The following ETV5 variants were observed in gnomAD, a reference collection of about 807,000 sequenced individuals.
ETV5 encodes the protein ETS translocation variant 5.
In ETV5, 10 loss-of-function variants were observed where a neutral mutation model predicts 70.0. The observed-to-expected ratio is 0.14, with a 90% confidence interval of 0.09 to 0.24. The LOEUF is 0.24. Among genes scored for constraint, ETV5 ranks in the 10% least tolerant of loss-of-function variants. ETV5 has a pLI of 1.00. For missense variants in ETV5, 453 were observed against 651.2 expected (o/e 0.70, Z 3.31); for synonymous variants, 216 against 242.2 (o/e 0.89, Z 1.01).
In ETV5 at chr3:186,057,340, G is replaced by C. The variant is rs1260966996; in HGVS notation, c.1039+83C>G. 2.5e-6 allele frequency: 4 copies of C among 1,604,634 alleles called. No individual in the cohort carries two copies. The African/African-American group carries it at 5.4e-5, about 22-fold the overall frequency. Reference sequence around the variant, plus strand: ...GTTGTTCATGCTGATTTAATCACTGGACTTGGGAAGAGAGTCATGGCTGAG... The same window carrying C: ...GTTGTTCATGCTGATTTAATCACTGCACTTGGGAAGAGAGTCATGGCTGAG... On this transcript the variant is annotated intron_variant, in intron 10 of 12. Transcript: ENST00000306376. This position sits in a 1 kb window ranked among gnomAD's most constrained non-coding sequence, Gnocchi z 4.9.
At chr3:186,099,126 ATC>A (rs1714386040) in intron 5 of ETV5, among the ~76,000 whole-genome samples, 1 of 152,170 alleles carries the variant, frequency 6.6e-6, no homozygotes, top group Non-Finnish European at 1.5e-5. Context: ...TCCCTTTAAC[ATC>A]TGAGTTGCTA....
At chr3:186,100,861 A>T (rs538510052) in intron 5 of ETV5, among the ~76,000 whole-genome samples, 1 of 152,358 alleles carries the variant, frequency 6.6e-6, no homozygotes, top group Non-Finnish European at 1.5e-5. Context: ...ACAGGTATAT[A>T]TTTATAATAT....
intron 5 of ETV5, among the ~76,000 whole-genome samples, chr3:186,102,551 C>T (rs756641746): frequency 1.3e-5 from 2 of 149,784 alleles, no homozygotes; most frequent in Non-Finnish European, 3.0e-5. Flanking sequence ...GAGAATTGCT[C>T]GAACCTGGGA....
chr3:186,081,102 A>G lies in ETV5; in HGVS notation c.306T>C (p.Cys102=), dbSNP rs748198170. 6.2e-7 allele frequency: 1 copy of G among 1,613,934 alleles called. No homozygotes were observed. Residue 102 remains cysteine (C), a synonymous_variant, in exon 6 of 13, where the codon TGT becomes TGC. Coordinates refer to ENST00000306376, the MANE Select transcript of ETV5 (RefSeq NM_004454.3). ...LHSPSSELSS[C]SHEQALGANY... ...TAGCACCAAGAGCCTGCTCATGGCT[A>G]CAAGACGACAGCTCAGAGGAGGGGC...
intron 7 of ETV5, chr3:186,079,459 T>A: frequency 3.8e-6 from 1 of 259,798 alleles, no homozygotes; most frequent in Non-Finnish European, 7.3e-6. Flanking sequence ...GAAGTTCAAT[T>A]CTATTAATAG....
chr3:186,105,924 TG>T lies in ETV5; in HGVS notation c.-57del. On this transcript the variant is annotated 5_prime_UTR_variant, in exon 2 of 13. Coordinates refer to ENST00000306376, the MANE Select transcript of ETV5 (RefSeq NM_004454.3). The surrounding 1 kb of genome is among the most constrained non-coding windows in gnomAD (Gnocchi z 4.5). ...AGAGGTTTCAGCATTGAGTAATTTC[TG>T]GGGGAAAAGGGATCCTCCTGTAATA... The T allele has an allele frequency of 1.9e-6, 3 of 1,600,584 alleles. No homozygotes were observed. The highest frequency in any genetic ancestry group is 2.6e-6 in the Non-Finnish European group (3 of 1,172,214).
At chr3:186,099,936 G>C (rs1714409697) in intron 5 of ETV5, among the ~76,000 whole-genome samples, 1 of 152,102 alleles carries the variant, frequency 6.6e-6, no homozygotes, top group African/African-American at 2.4e-5. Context: ...GACACAGAAG[G>C]GTAAGAGAAA....
At chr3:186,048,895 G>A (rs1398737754) in intron 12 of ETV5, 35 bp from the exon 13 acceptor site, 2 of 1,553,500 alleles carry the variant, frequency 1.3e-6, no homozygotes, top group East Asian at 2.3e-5. Flanking sequence ...GGGCCCAGTT[G>A]GAACAGGGCA....
At chr3:186,084,783 C>T (rs1714018808) in intron 5 of ETV5, among the ~76,000 whole-genome samples, 1 of 152,186 alleles carries the variant, frequency 6.6e-6, no homozygotes, top group Admixed American at 6.5e-5. Context: ...TTCTACCACA[C>T]TGACAGAAAT....
At position 186,052,010 on chromosome 3, in the gene ETV5, G is replaced by C; in HGVS notation, c.1311+20C>G. ...TTAAAAGAGACCAGAGTGGGCTAAGGGTCTTGTATAATGGCTCACCTTCTG... is the reference window on the plus strand; with the variant it reads ...TTAAAAGAGACCAGAGTGGGCTAAGCGTCTTGTATAATGGCTCACCTTCTG... On this transcript the variant is annotated intron_variant, in intron 12 of 12. Coordinates refer to ENST00000306376, the MANE Select transcript of ETV5 (RefSeq NM_004454.3). This position sits in a 1 kb window ranked among gnomAD's most constrained non-coding sequence, Gnocchi z 4.5. 1 of 1,610,622 alleles carries C rather than the reference G, an allele frequency of 6.2e-7. No homozygotes were observed.
intron 1 of ETV5, among the ~76,000 whole-genome samples, chr3:186,107,890 C>T (rs1406354934): frequency 1.3e-5 from 2 of 152,188 alleles, no homozygotes; most frequent in East Asian, 3.9e-4. Context: ...TTCATGAAAA[C>T]TCCTTCAGCT....
intron 9 of ETV5, among the ~76,000 whole-genome samples, chr3:186,062,058 C>T (rs948232870): frequency 6.6e-6 from 1 of 152,182 alleles, no homozygotes; most frequent in African/African-American, 2.4e-5. Context: ...CAAGAAAACA[C>T]TTAGCTAGAT....
At chr3:186,051,685 C>T (rs1248489137) in intron 12 of ETV5, among the ~76,000 whole-genome samples, 2 of 152,162 alleles carry the variant, frequency 1.3e-5, no homozygotes, top group Non-Finnish European at 2.9e-5. Context: ...GAAGTAGAGA[C>T]CTTCAAGTTG....
At chr3:186,100,956 G>A (rs1430190081) in intron 5 of ETV5, among the ~76,000 whole-genome samples, 1 of 152,104 alleles carries the variant, frequency 6.6e-6, no homozygotes, top group Non-Finnish European at 1.5e-5. Context: ...CTAAAATCTA[G>A]TAACACACTC....
intron 9 of ETV5, among the ~76,000 whole-genome samples, chr3:186,060,326 T>C (rs1442926814): frequency 6.6e-6 from 1 of 152,242 alleles, no homozygotes; most frequent in Admixed American, 6.5e-5. Flanking sequence ...GTGTATCTTG[T>C]GGTTTCTAGT....
rs185161877 is a variant in ETV5, at chr3:186,103,525, G to A, written c.232+1780C>T. Among the ~76,000 whole-genome samples, 5 of 152,152 alleles carry A rather than the reference G, an allele frequency of 3.3e-5. No individual in the cohort carries two copies. In the East Asian group the frequency reaches 9.7e-4, roughly 29 times the overall value. ...AAGAAAGCCACCTCCCAAACAGACT[G>A]CAGTTTATGCTGCTCTGAGCAAGAA... On this transcript the variant is annotated intron_variant, in intron 5 of 12. Coordinates refer to ENST00000306376, the MANE Select transcript of ETV5 (RefSeq NM_004454.3).
At chr3:186,048,908 G>A (rs1712951385) in intron 12 of ETV5, 48 bp from the exon 13 acceptor site, 3 of 1,499,930 alleles carry the variant, frequency 2.0e-6, no homozygotes, top group African/African-American at 1.4e-5. Flanking sequence ...ACAGGGCATG[G>A]GATCAGGGGA....
intron 1 of ETV5, among the ~76,000 whole-genome samples, chr3:186,107,464 G>A (rs548911520): frequency 2.0e-5 from 3 of 152,186 alleles, no homozygotes; most frequent in South Asian, 4.1e-4. Flanking sequence ...GGGAGGGGGA[G>A]ATATTTTTCA....
intron 12 of ETV5, among the ~76,000 whole-genome samples, 197 bp from the exon 13 acceptor site, chr3:186,049,057 A>T (rs1347390780): frequency 6.6e-6 from 1 of 152,238 alleles, no homozygotes; most frequent in African/African-American, 2.4e-5. Flanking sequence ...CAGTTAAAAA[A>T]GAAGATATCT....
Sources: allele counts gnomAD v4.1 joint callset (sites outside exome capture counted in the v4.1 genomes callset), GRCh38; gene constraint gnomAD v4.1.1; non-coding constraint Gnocchi (gnomAD v3.1); transcripts MANE v1.5; gene names NCBI Gene and HGNC (gene_info 2026-07-23, HGNC 2026-07-21).